SGCZ: variants seen among roughly 807,000 people sequenced by gnomAD.
SGCZ encodes the protein zeta-sarcoglycan.
A neutral mutation model predicts 41.3 loss-of-function variants in SGCZ; 40 were observed. The ratio of observed to expected loss-of-function variants is 0.97; its 90% CI spans 0.75 to 1.26. The LOEUF is 1.26. SGCZ is among the 50% of genes most tolerant of loss of function. The probability of loss-of-function intolerance (pLI) is 0.00; values close to 1 mark genes in which losing one functional copy is unlikely to be tolerated. For missense variants in SGCZ, 552 were observed against 369.8 expected, an observed-to-expected ratio of 1.49 and a Z score of -4.04; for synonymous variants, 206 against 137.5, an observed-to-expected ratio of 1.50 and a Z score of -3.49.
intron 2 of SGCZ, among the ~76,000 whole-genome samples, chr8:14,367,710 C>T (rs183435665): frequency 6.6e-5 from 10 of 152,090 alleles, no homozygotes; most frequent in South Asian, 4.2e-4. Flanking sequence ...CTCCCTATCA[C>T]GGGAATATCA....
intron 2 of SGCZ, among the ~76,000 whole-genome samples, chr8:14,386,903 T>C (rs922226990): frequency 6.6e-6 from 1 of 152,186 alleles, no homozygotes; most frequent in Admixed American, 6.5e-5. Context: ...ATGAATCTTG[T>C]ATTTTGAATT....
chr8:14,150,731 G>C (rs565430516), intron 5 of SGCZ, among the ~76,000 whole-genome samples: 1 of 152,198 alleles, frequency 6.6e-6, no homozygotes, highest in East Asian at 1.9e-4. Flanking sequence ...GCCTGTGTTT[G>C]TTGCAGCATT....
chr8:14,311,897 G>C (rs1801558053), intron 3 of SGCZ, among the ~76,000 whole-genome samples: 2 of 152,070 alleles, frequency 1.3e-5, no homozygotes, highest in African/African-American at 4.8e-5. Flanking sequence ...CAAAACATAA[G>C]ATTGCTGCTC....
intron 5 of SGCZ, among the ~76,000 whole-genome samples, chr8:14,163,581 A>T (rs890495061): frequency 6.6e-6 from 1 of 152,192 alleles, no homozygotes; most frequent in Admixed American, 6.5e-5. Context: ...TCATCACACA[A>T]CTACACACAC....
intron 1 of SGCZ, among the ~76,000 whole-genome samples, chr8:14,903,608 G>A (rs963235295): frequency 2.0e-5 from 3 of 151,990 alleles, no homozygotes; most frequent in African/African-American, 7.2e-5. Context: ...AATTAGAAAA[G>A]TTTCAGTCAC....
chr8:14,353,372 G>C (rs565533025), intron 2 of SGCZ, among the ~76,000 whole-genome samples: 3 of 152,010 alleles, frequency 2.0e-5, no homozygotes, highest in South Asian at 4.1e-4. Flanking sequence ...TACCTGTGTA[G>C]TGATTTAATC....
At chr8:14,408,043 T>G (rs1799259376) in intron 2 of SGCZ, among the ~76,000 whole-genome samples, 1 of 152,154 alleles carries the variant, frequency 6.6e-6, no homozygotes, top group South Asian at 2.1e-4. Flanking sequence ...GATATTTCAT[T>G]TTAGGGATTG....
intron 3 of SGCZ, among the ~76,000 whole-genome samples, chr8:14,266,193 G>A (rs541150054): frequency 3.7e-4 from 56 of 152,038 alleles, no homozygotes; most frequent in African/African-American, 1.0e-3. Flanking sequence ...AACTCTCAAA[G>A]TCTGGAAGAT....
At chr8:15,236,582 C>G (rs1563200389) in intron 1 of SGCZ, among the ~76,000 whole-genome samples, 1 of 152,162 alleles carries the variant, frequency 6.6e-6, no homozygotes. Flanking sequence ...CGCCCCCTTT[C>G]CCGCTTTTTC....
At chr8:14,099,230 C>T (rs573149670) in intron 7 of SGCZ, among the ~76,000 whole-genome samples, 4 of 152,096 alleles carry the variant, frequency 2.6e-5, no homozygotes, top group Non-Finnish European at 5.9e-5. Context: ...AAGGCAGTGA[C>T]GCTGTTCACT....
At chr8:14,686,213 T>G (rs551261336) in intron 1 of SGCZ, among the ~76,000 whole-genome samples, 19 of 152,238 alleles carry the variant, frequency 1.2e-4, no homozygotes, top group African/African-American at 4.6e-4. Flanking sequence ...TAGAAGTAAT[T>G]TGGAATCTTG....
intron 2 of SGCZ, among the ~76,000 whole-genome samples, chr8:14,516,560 C>A (rs1319151617): frequency 6.6e-6 from 1 of 151,996 alleles, no homozygotes; most frequent in Admixed American, 6.6e-5. Flanking sequence ...TGACCTGTTT[C>A]TTTTCACAAA....
chr8:14,909,393 G>A (rs971118826), intron 1 of SGCZ, among the ~76,000 whole-genome samples: 2 of 151,994 alleles, frequency 1.3e-5, no homozygotes, highest in African/African-American at 4.8e-5. Context: ...TTAATTTCGT[G>A]TTTTAACGTT....
intron 1 of SGCZ, among the ~76,000 whole-genome samples, chr8:15,151,936 GA>G (rs1799190790): frequency 6.6e-6 from 1 of 152,020 alleles, no homozygotes; most frequent in Non-Finnish European, 1.5e-5. Context: ...ACACTAAGGG[GA>G]AAAAAAGATT....
rs138016270 is a variant in SGCZ, at chr8:14,789,171, C to T, written c.40-234245G>A. Among the ~76,000 whole-genome samples the T allele has an allele frequency of 2.8e-3, 431 of 152,112 alleles. 2 individuals carry two copies. Among genetic ancestry groups the T allele is most frequent in the African/African-American group, 9.9e-3 (409 of 41,486 alleles). On this transcript the variant is annotated intron_variant, in intron 1 of 7. Transcript: ENST00000382080. ...CAAACACTGGGCACTATGCACGATG[C>T]TTGGGGGCCATTTTAAACAGTGAAG...
At chr8:14,243,049 G>C (rs1798948148) in intron 3 of SGCZ, among the ~76,000 whole-genome samples, 1 of 152,112 alleles carries the variant, frequency 6.6e-6, no homozygotes, top group Non-Finnish European at 1.5e-5. Context: ...TGTTTGTCTT[G>C]TTTCATTTTG....
intron 1 of SGCZ, among the ~76,000 whole-genome samples, chr8:14,884,376 AAAT>A (rs947572989): frequency 7.9e-5 from 12 of 152,128 alleles, no homozygotes; most frequent in Non-Finnish European, 1.8e-4. Flanking sequence ...ATAAGTTCAC[AAAT>A]AATTATTTAT....
intron 1 of SGCZ, among the ~76,000 whole-genome samples, chr8:14,888,667 A>G (rs1214638083): frequency 6.6e-6 from 1 of 152,178 alleles, no homozygotes; most frequent in East Asian, 1.9e-4. Context: ...TTAGTATATT[A>G]AATTGTCTCA....
At chr8:14,238,594 C>A (rs938526710) in intron 3 of SGCZ, among the ~76,000 whole-genome samples, 3 of 152,190 alleles carry the variant, frequency 2.0e-5, no homozygotes, top group Non-Finnish European at 4.4e-5. Context: ...ACATATTAGG[C>A]TTCTGTCATA....
Sources: allele counts gnomAD v4.1 joint callset (sites outside exome capture counted in the v4.1 genomes callset), GRCh38; gene constraint gnomAD v4.1.1; transcripts MANE v1.5; gene names NCBI Gene and HGNC (gene_info 2026-07-23, HGNC 2026-07-21).